SORCS1: variants seen among roughly 807,000 people sequenced by gnomAD.
SORCS1 encodes VPS10 domain-containing receptor SorCS1.
A neutral mutation model predicts 146.1 loss-of-function variants in SORCS1; 60 were observed. The ratio of observed to expected loss-of-function variants is 0.41; its 90% CI spans 0.33 to 0.51. The LOEUF (loss-of-function observed/expected upper bound fraction) is 0.51, where lower values mean the gene tolerates loss of function less well. Ranked by LOEUF, SORCS1 falls within the 20% of genes least tolerant of loss-of-function variation. The pLI is 0.21. For missense variants in SORCS1, 1,352 were observed against 1,487.6 expected (o/e 0.91, Z 1.50); for synonymous variants, 637 against 584.0 (o/e 1.09, Z -1.31).
At chr10:106,618,950 G>GA (rs1589488585) in intron 20 of SORCS1, among the ~76,000 whole-genome samples, 1 of 152,042 alleles carries the variant, frequency 6.6e-6, no homozygotes, top group African/African-American at 2.4e-5. Context: ...GGTCCTAGAG[G>GA]AAAAAATATT....
intron 3 of SORCS1, among the ~76,000 whole-genome samples, chr10:106,810,295 T>C (rs945684308): frequency 6.6e-6 from 1 of 152,126 alleles, no homozygotes; most frequent in Non-Finnish European, 1.5e-5. Context: ...GCTACATCAG[T>C]CCAAATTTAA....
At chr10:106,603,440 A>T (rs1220427395) in intron 23 of SORCS1, among the ~76,000 whole-genome samples, 1 of 152,204 alleles carries the variant, frequency 6.6e-6, no homozygotes, top group Non-Finnish European at 1.5e-5. Context: ...CTCACTGTGA[A>T]GAATTTTCAA....
chr10:106,602,487 CAGT>C (rs1390113112), intron 23 of SORCS1, among the ~76,000 whole-genome samples: 1 of 149,128 alleles, frequency 6.7e-6, no homozygotes, highest in African/African-American at 2.5e-5. Flanking sequence ...TTCTAATTAA[CAGT>C]AGCTCAATTT....
chr10:106,988,983 A>G (rs1956614596), intron 1 of SORCS1, among the ~76,000 whole-genome samples: 1 of 151,750 alleles, frequency 6.6e-6, no homozygotes, highest in Non-Finnish European at 1.5e-5. Flanking sequence ...AGTGCCTCCC[A>G]GGCACGGTGG....
At chr10:106,620,242 A>ATCTCGGT in intron 20 of SORCS1, 186 bp downstream of exon 20, 1 of 592,588 alleles carries the variant, frequency 1.7e-6, no homozygotes, top group Non-Finnish European at 2.7e-6. Context: ...GAAGGTGGAG[A>ATCTCGGT]GGGGCCAGAG....
chr10:107,138,381 T>C (rs953019350), intron 1 of SORCS1, among the ~76,000 whole-genome samples: 7 of 152,214 alleles, frequency 4.6e-5, no homozygotes, highest in Non-Finnish European at 1.0e-4. Context: ...CGAGGATCTA[T>C]CTGTCCAAAG....
At chr10:107,077,284 T>C (rs980831202) in intron 1 of SORCS1, among the ~76,000 whole-genome samples, 1 of 152,140 alleles carries the variant, frequency 6.6e-6, no homozygotes, top group African/African-American at 2.4e-5. Context: ...TTAATAACTA[T>C]TTTCGGTCCA....
At chr10:106,937,987 A>AAAG (rs1953838456) in intron 2 of SORCS1, among the ~76,000 whole-genome samples, 1 of 151,146 alleles carries the variant, frequency 6.6e-6, no homozygotes, top group South Asian at 2.1e-4. Context: ...AAAAAAAAAA[A>AAAG]AAAGAAAGAA....
intron 4 of SORCS1, among the ~76,000 whole-genome samples, chr10:106,764,766 G>T (rs900903956): frequency 1.3e-5 from 2 of 152,130 alleles, no homozygotes. Flanking sequence ...GCTCACGCCT[G>T]TAATCCCAGC....
chr10:106,891,501 A>ATTTTTTTTTTTTTTTTTTTTTTTTTTTTT (rs562213104), intron 2 of SORCS1, among the ~76,000 whole-genome samples: 8 of 74,062 alleles, frequency 1.1e-4, no homozygotes, highest in Non-Finnish European at 1.4e-4. Context: ...TTCAATGGGA[A>ATTTTTTTTTTTTTTTTTTTTTTTTTTTTT]TTCTTTTTTT....
chr10:106,691,570 G>C (rs988694595), intron 9 of SORCS1, among the ~76,000 whole-genome samples: 1 of 152,004 alleles, frequency 6.6e-6, no homozygotes, highest in Non-Finnish European at 1.5e-5. Flanking sequence ...AAAGTACATC[G>C]GTGCATTTCC....
intron 2 of SORCS1, among the ~76,000 whole-genome samples, chr10:106,836,676 A>G (rs1262391152): frequency 6.6e-6 from 1 of 152,064 alleles, no homozygotes; most frequent in Non-Finnish European, 1.5e-5. Context: ...GGTGTAGACC[A>G]AAGCCTGGCT....
intron 1 of SORCS1, among the ~76,000 whole-genome samples, chr10:107,035,085 C>G (rs1364624864): frequency 6.6e-6 from 1 of 151,696 alleles, no homozygotes; most frequent in Non-Finnish European, 1.5e-5. Flanking sequence ...TATAAAAAAG[C>G]TTAGTATATT....
chr10:107,156,456 C>A (rs886844647), intron 1 of SORCS1, among the ~76,000 whole-genome samples: 1 of 152,156 alleles, frequency 6.6e-6, no homozygotes, highest in Non-Finnish European at 1.5e-5. Flanking sequence ...TCCAGAGAAG[C>A]TGTTCACTAA....
At chr10:106,948,686 G>A (rs943423876) in intron 2 of SORCS1, among the ~76,000 whole-genome samples, 5 of 151,904 alleles carry the variant, frequency 3.3e-5, no homozygotes, top group East Asian at 1.9e-4. Flanking sequence ...TAGGCCGGGC[G>A]CAGTGCCTCA....
intron 12 of SORCS1, 142 bp downstream of exon 12, chr10:106,679,114 A>T (rs1337540043): frequency 3.5e-6 from 2 of 568,200 alleles, no homozygotes; most frequent in Non-Finnish European, 6.3e-6. Flanking sequence ...TAAGACTTTT[A>T]TATAAAAAGG....
rs114716603 is a variant in SORCS1 at position 106,841,891 on chromosome 10, C to T, written c.627-12218G>A. Among the ~76,000 whole-genome samples the T allele has an allele frequency of 2.4e-3, 368 of 152,298 alleles. 5 individuals are homozygous for T. Among genetic ancestry groups the T allele is most frequent in the African/African-American group, 8.5e-3 (354 of 41,566 alleles). ...TTATAAATAAAACTTCTATAAACAT[C>T]CATGTGCAGAATTTTGTGTAAACAT... On this transcript the variant is annotated intron_variant, in intron 2 of 25. Coordinates refer to ENST00000263054, the MANE Select transcript of SORCS1 (RefSeq NM_052918.5).
intron 2 of SORCS1, among the ~76,000 whole-genome samples, chr10:106,856,723 G>A (rs1004100357): frequency 3.9e-5 from 6 of 152,312 alleles, no homozygotes; most frequent in South Asian, 2.1e-4. Flanking sequence ...AGGTCCCCAC[G>A]AAGTTCTTAA....
chr10:106,607,376 T>C, intron 22 of SORCS1, 79 bp from the exon 23 acceptor site: 1 of 1,565,674 alleles, frequency 6.4e-7, no homozygotes. Context: ...GGTGGGGGGA[T>C]CAGGGGTAGG....
Sources: gnomAD v4.1 joint callset for allele counts (sites outside exome capture counted in the v4.1 genomes callset) on GRCh38, gnomAD v4.1.1 for gene constraint, MANE v1.5 for transcripts, NCBI Gene and HGNC (gene_info 2026-07-23, HGNC 2026-07-21) for gene names.